The following NEK9 variants were observed in gnomAD, a reference collection of about 807,000 sequenced individuals.
The protein encoded by NEK9 is NIMA related kinase 9, also known as serine/threonine-protein kinase Nek9.
A neutral mutation model predicts 123.4 loss-of-function variants in NEK9; 75 were observed. The ratio of observed to expected loss-of-function variants is 0.61; its 90% CI spans 0.50 to 0.74. The LOEUF (loss-of-function observed/expected upper bound fraction) is 0.74. Among genes scored for constraint, NEK9 ranks in the 30% least tolerant of loss-of-function variants. The pLI, the probability that NEK9 is intolerant of heterozygous loss-of-function variation, is 0.00. For synonymous variants in NEK9, 438 were observed against 458.7 expected, an observed-to-expected ratio of 0.95 and a Z score of 0.58; for missense variants, 952 against 1,214.4, an observed-to-expected ratio of 0.78 and a Z score of 3.21.
Position 75,079,814 on chromosome 14 carries a change from C to T in NEK9, c.*4750G>A, listed in dbSNP as rs1413399613. ...TCACTTGGCCTGCTTCACTTCTTTA[C>T]CTTATCTGCCTGGTACCACAGGCAC... On this transcript the variant is annotated 3_prime_UTR_variant, in exon 22 of 22. Coordinates refer to ENST00000238616, the MANE Select transcript of NEK9 (RefSeq NM_033116.6). 6.6e-6 allele frequency: 1 copy of T among 152,174 alleles called. No homozygotes were observed. The highest frequency in any genetic ancestry group is 2.4e-5 in the African/African-American group (1 of 41,438). 9.4% of individuals were successfully genotyped at this position (152,174 alleles called of 1,614,324 possible).
intron 2 of NEK9, among the ~76,000 whole-genome samples, chr14:75,121,515 C>A (rs1895332414): frequency 6.6e-6 from 1 of 152,220 alleles, no homozygotes; most frequent in African/African-American, 2.4e-5. Flanking sequence ...AAGGACTCTA[C>A]AATATTTTTG....
At chr14:75,098,724 C>G (rs990518770) in intron 16 of NEK9, among the ~76,000 whole-genome samples, 4 of 152,154 alleles carry the variant, frequency 2.6e-5, no homozygotes, top group Admixed American at 2.6e-4. Context: ...ATGAGGCCAT[C>G]AAGTACAGTT....
chr14:75,124,674 T>G (rs887872244), intron 1 of NEK9, among the ~76,000 whole-genome samples: 2 of 152,110 alleles, frequency 1.3e-5, no homozygotes, highest in Non-Finnish European at 2.9e-5. Flanking sequence ...CCTAGTGATT[T>G]TCACCTACCC....
chr14:75,101,057 G>C lies in NEK9; in HGVS notation c.1937C>G (p.Pro646Arg). 1 of 1,614,204 alleles carries C rather than the reference G, an allele frequency of 6.2e-7. No individual in the cohort carries two copies. Among genetic ancestry groups the C allele is most frequent in the Non-Finnish European group, 8.5e-7 (1 of 1,180,040 alleles). The change falls in exon 16 of 22, where the codon CCC becomes CGC. Residue 646 changes from proline (P) to arginine (R), a missense_variant. By Grantham distance (103) the Pro-to-Arg change is moderately radical. Coordinates refer to ENST00000238616, the MANE Select transcript of NEK9 (RefSeq NM_033116.6). ...KRLGINLLGGPLGGKQVIRVS... is the reference protein window; with the variant it reads ...KRLGINLLGGRLGGKQVIRVS... Reference sequence around the variant, plus strand: ...CCTGATCACTTGCTTCCCACCAAGGGGTCCCCCCAACAGGTTGATTCCCAG... The same window carrying C: ...CCTGATCACTTGCTTCCCACCAAGGCGTCCCCCCAACAGGTTGATTCCCAG...
chr14:75,127,100 A>G, upstream of NEK9: 1 of 547,658 alleles, frequency 1.8e-6, no homozygotes, highest in Non-Finnish European at 3.2e-6. Context: ...GGCCTGGCTG[A>G]GTTTCCTCCG....
chr14:75,115,727 GCAGCATCAGCATCA>G (rs1895120312), intron 6 of NEK9, among the ~76,000 whole-genome samples: 1 of 152,262 alleles, frequency 6.6e-6, no homozygotes, highest in Non-Finnish European at 1.5e-5. Flanking sequence ...CCATGGACCA[GCAGCATCAGCATCA>G]CTTGGGAGCT....
chr14:75,084,277 T>TTC lies in NEK9; in HGVS notation c.*286_*287insGA, dbSNP rs2139704275. 1 of 342,130 alleles carries TTC rather than the reference T, an allele frequency of 2.9e-6. No homozygotes were observed. The highest frequency in any genetic ancestry group is 5.4e-5 in the East Asian group (1 of 18,524). The allele number at this position is 342,130 out of a possible 1,614,324, so 21.2% of individuals were successfully genotyped here. ...GAGCACTGTGTCTCCTCTTCAAAGG[T>TTC]GGGATCAACAGATGAGGTACAGAGC... is the stretch of plus-strand genomic sequence containing the variant. On this transcript the variant is annotated 3_prime_UTR_variant, in exon 22 of 22. Coordinates refer to ENST00000238616, the MANE Select transcript of NEK9 (RefSeq NM_033116.6).
chr14:75,103,372 TTA>T (rs967277093), intron 14 of NEK9, among the ~76,000 whole-genome samples: 2 of 152,212 alleles, frequency 1.3e-5, no homozygotes, highest in African/African-American at 4.8e-5. Flanking sequence ...ATGTTTTTTT[TTA>T]TAACATTAAT....
At position 75,109,788 on chromosome 14, in the gene NEK9, T is replaced by C; in HGVS notation, c.1079A>G (p.Gln360Arg). The change falls in exon 10 of 22, where the codon CAG becomes CGG. Residue 360 changes from glutamine (Q) to arginine (R), a missense_variant. Transcript: ENST00000238616. Reference sequence around the variant, plus strand: ...GCCACTCTTGATAACATCCAGTTTCTGGGGGGTGGATTTTCCACCACCCCA... The same window carrying C: ...GCCACTCTTGATAACATCCAGTTTCCGGGGGGTGGATTTTCCACCACCCCA... Reference protein sequence around the residue: ...YVWGGGKSTPQKLDVIKSGCS... With the variant: ...YVWGGGKSTPRKLDVIKSGCS... 1 of 1,614,186 alleles carries C rather than the reference T, an allele frequency of 6.2e-7. No homozygotes were observed. The highest frequency in any genetic ancestry group is 1.1e-5 in the South Asian group (1 of 91,078).
At chr14:75,125,956 G>C (rs1460095831) in intron 1 of NEK9, among the ~76,000 whole-genome samples, 1 of 152,178 alleles carries the variant, frequency 6.6e-6, no homozygotes, top group African/African-American at 2.4e-5. Flanking sequence ...ATATTAACTT[G>C]GGATTCCGTG....
At chr14:75,122,812 T>G (rs1895384172) in intron 2 of NEK9, among the ~76,000 whole-genome samples, 1 of 148,124 alleles carries the variant, frequency 6.8e-6, no homozygotes, top group Non-Finnish European at 1.5e-5. Flanking sequence ...TTTTTTTTTT[T>G]TGAGACAGGG....
rs1895054070 is a variant in NEK9, at chr14:75,114,238, C to G, written c.838G>C (p.Glu280Gln). The G allele has an allele frequency of 6.2e-7, 1 of 1,613,974 alleles. No homozygotes were observed. Among genetic ancestry groups the G allele is most frequent in the South Asian group, 1.1e-5 (1 of 91,086 alleles). The change falls in exon 7 of 22, where the codon GAA becomes CAA. Residue 280 changes from glutamate to glutamine, a missense_variant. Glu to Gln is a conservative substitution (Grantham distance 29). Coordinates refer to ENST00000238616, the MANE Select transcript of NEK9 (RefSeq NM_033116.6). Reference protein sequence around the residue: ...MEVDSSQYSLELIQMVHSCLD... With the variant: ...MEVDSSQYSLQLIQMVHSCLD... ...CACGAATGAACCATTTGGATCAATT[C>G]CAAAGAGTACTGGCTAGAGTCAACT... is the stretch of plus-strand genomic sequence containing the variant.
intron 19 of NEK9, among the ~76,000 whole-genome samples, chr14:75,090,969 A>G (rs1037268943): frequency 1.3e-5 from 2 of 152,254 alleles, no homozygotes; most frequent in East Asian, 3.8e-4. Flanking sequence ...AAATGACAGT[A>G]TAAAATCTGT....
At chr14:75,127,119 T>A, upstream of NEK9, 1 of 531,184 alleles carries the variant, frequency 1.9e-6, no homozygotes, top group South Asian at 2.5e-5. Context: ...CGCCTTTGCT[T>A]ACCCTCTTGG....
At chr14:75,117,839 T>C (rs1374798349) in intron 5 of NEK9, among the ~76,000 whole-genome samples, 1 of 152,190 alleles carries the variant, frequency 6.6e-6, no homozygotes, top group Non-Finnish European at 1.5e-5. Flanking sequence ...ATTTTCTGAC[T>C]TCAAAAATAA....
chr14:75,112,403 A>C (rs1171380123), intron 8 of NEK9, among the ~76,000 whole-genome samples: 2 of 152,238 alleles, frequency 1.3e-5, no homozygotes, highest in African/African-American at 2.4e-5. Flanking sequence ...CTCTAAAGAT[A>C]TCTGACAGAA....
upstream of NEK9, chr14:75,127,166 G>A: frequency 2.2e-6 from 1 of 457,094 alleles, no homozygotes; most frequent in Non-Finnish European, 3.9e-6. Context: ...TTTCGGGGAA[G>A]GCCTGCAAAG....
chr14:75,115,204 C>T (rs1895101704), intron 6 of NEK9, among the ~76,000 whole-genome samples: 1 of 152,184 alleles, frequency 6.6e-6, no homozygotes, highest in Admixed American at 6.5e-5. Context: ...CAACCTCTGT[C>T]TCCTGGGTTC....
chr14:75,101,450 CAT>C (rs1329494560), intron 15 of NEK9, among the ~76,000 whole-genome samples: 1 of 152,164 alleles, frequency 6.6e-6, no homozygotes, highest in East Asian at 1.9e-4. Flanking sequence ...TGTCTGGAAT[CAT>C]AGGTGTGGTG....
Sources: allele counts gnomAD v4.1 joint callset (sites outside exome capture counted in the v4.1 genomes callset), GRCh38; gene constraint gnomAD v4.1.1; transcripts MANE v1.5; gene names NCBI Gene and HGNC (gene_info 2026-07-23, HGNC 2026-07-21).